Variants in MFSD11 observed in about 807,000 individuals in gnomAD.
The protein encoded by MFSD11 is UNC93-like protein MFSD11.
A neutral mutation model predicts 53.5 loss-of-function variants in MFSD11; 36 were observed. That is an observed-to-expected ratio of 0.67 (90% CI 0.52 to 0.89). The LOEUF is 0.89. Among genes scored for constraint, MFSD11 ranks in the 40% least tolerant of loss-of-function variants. The probability of loss-of-function intolerance (pLI) is 0.00; values close to 1 mark genes in which losing one functional copy is unlikely to be tolerated. For missense variants in MFSD11, 530 were observed against 543.9 expected (o/e 0.97, Z 0.25); for synonymous variants, 186 against 184.9 (o/e 1.01, Z -0.05).
At chr17:76,737,446 T>C (rs1003754996), upstream of MFSD11, 2 of 392,000 alleles carry the variant, frequency 5.1e-6, no homozygotes, top group South Asian at 5.6e-5. Context: ...GTAACGACCC[T>C]GCCGCGCGCC....
At chr17:76,751,020 C>A (rs924629927) in intron 7 of MFSD11, among the ~76,000 whole-genome samples, 2 of 151,672 alleles carry the variant, frequency 1.3e-5, no homozygotes, top group Non-Finnish European at 2.9e-5. Context: ...AGGCTGGTCT[C>A]AAACTCCTTA....
Position 76,767,076 on chromosome 17 carries a change from A to G in MFSD11, c.683-310A>G, listed in dbSNP as rs145549860. On this transcript the variant is annotated intron_variant, in intron 8 of 12. Transcript: ENST00000685175. Reference sequence around the variant, plus strand: ...TCTCTCAAGAGCCTAACGGTTAATCATGCCTTTTGAAGTACTTTGTTGTTT... The same window carrying G: ...TCTCTCAAGAGCCTAACGGTTAATCGTGCCTTTTGAAGTACTTTGTTGTTT... The G allele has an allele frequency of 1.2e-3, 309 of 256,646 alleles. 1 individual carries two copies. The highest frequency in any genetic ancestry group is 2.0e-3 in the Non-Finnish European group (270 of 135,110). The allele number at this position is 256,646 out of a possible 1,614,324, so 15.9% of individuals were successfully genotyped here.
At chr17:76,741,673 A>G (rs1045662363) in intron 3 of MFSD11, among the ~76,000 whole-genome samples, 20 of 152,200 alleles carry the variant, frequency 1.3e-4, no homozygotes, top group African/African-American at 4.8e-4. Flanking sequence ...CTGTAGTCCC[A>G]GCTACTTAGG....
intron 9 of MFSD11, among the ~76,000 whole-genome samples, chr17:76,768,177 G>T (rs1314665046): frequency 1.3e-5 from 2 of 151,914 alleles, no homozygotes; most frequent in African/African-American, 4.8e-5. Context: ...GGTGGTGCAT[G>T]CCTGTAGCCC....
intron 8 of MFSD11, among the ~76,000 whole-genome samples, chr17:76,756,275 A>G (rs2079621006): frequency 6.6e-6 from 1 of 151,168 alleles, no homozygotes; most frequent in Non-Finnish European, 1.5e-5. Context: ...GGCACGTGCC[A>G]CCACGCCCAG....
intron 6 of MFSD11, 96 bp downstream of exon 6, chr17:76,743,552 C>A: frequency 1.4e-6 from 1 of 717,092 alleles, no homozygotes; most frequent in Non-Finnish European, 2.2e-6. Flanking sequence ...GCATCGTTCT[C>A]ATGAACCCCG....
chr17:76,758,007 C>T (rs2079821342), intron 8 of MFSD11, among the ~76,000 whole-genome samples: 1 of 150,678 alleles, frequency 6.6e-6, no homozygotes, highest in Non-Finnish European at 1.5e-5. Flanking sequence ...GAGACTGTGT[C>T]TCAAAAAAAA....
chr17:76,739,539 G>GTA (rs1313654575), intron 2 of MFSD11, among the ~76,000 whole-genome samples: 3 of 152,112 alleles, frequency 2.0e-5, no homozygotes, highest in Non-Finnish European at 4.4e-5. Flanking sequence ...ATATGTACAG[G>GTA]TATATATACA....
At chr17:76,737,507 C>G (rs1174244938), upstream of MFSD11, 1 of 309,158 alleles carries the variant, frequency 3.2e-6, no homozygotes, top group African/African-American at 2.1e-5. Flanking sequence ...GGCCAAAAAG[C>G]GCGGAGTCAC....
chr17:76,744,331 G>A lies in MFSD11; in HGVS notation c.506G>A (p.Arg169Gln), dbSNP rs1258112273. The A allele has an allele frequency of 3.1e-6, 5 of 1,609,896 alleles. No individual in the cohort carries two copies. Among genetic ancestry groups the A allele is most frequent in the Admixed American group, 1.7e-5 (1 of 58,922 alleles). The change falls in exon 7 of 13, where the codon CGA (arginine) becomes CAA (glutamine). Residue 169 changes from arginine to glutamine, a missense_variant. By Grantham distance (43) the Arg-to-Gln change is conservative. Coordinates refer to ENST00000685175, the MANE Select transcript of MFSD11 (RefSeq NM_001242532.5). Reference sequence around the variant, plus strand: ...TCTTTTTTCTCCGTAGAGAGTGACCGAAGAACAGTGTTTATTGCCCTAACG... The same window carrying A: ...TCTTTTTTCTCCGTAGAGAGTGACCAAAGAACAGTGTTTATTGCCCTAACG... ...QGKTQISESD[R>Q]RTVFIALTVI...
At chr17:76,759,214 A>G (rs1227933320) in intron 8 of MFSD11, among the ~76,000 whole-genome samples, 2 of 152,114 alleles carry the variant, frequency 1.3e-5, no homozygotes, top group Non-Finnish European at 2.9e-5. Flanking sequence ...TGATCACACC[A>G]CTGCATTCCA....
the MFSD11 span, among the ~76,000 whole-genome samples, chr17:76,788,980 A>C: frequency 6.7e-6 from 1 of 149,314 alleles, no homozygotes; most frequent in South Asian, 2.2e-4. Flanking sequence ...CATCTCTACT[A>C]AAAATATAAA....
intron 5 of MFSD11, 110 bp from the exon 6 acceptor site, chr17:76,743,288 T>C (rs2078261179): frequency 2.9e-6 from 2 of 696,338 alleles, no homozygotes; most frequent in Non-Finnish European, 4.7e-6. Context: ...TTAAAAATGA[T>C]GTCCTTCTCT....
intron 8 of MFSD11, among the ~76,000 whole-genome samples, chr17:76,762,801 C>T (rs1195043229): frequency 7.9e-5 from 12 of 151,862 alleles, no homozygotes; most frequent in South Asian, 4.2e-4. Flanking sequence ...AATTAAGCAC[C>T]GGCGGGAAAT....
At chr17:76,739,727 C>G (rs1222715948) in intron 2 of MFSD11, among the ~76,000 whole-genome samples, 1 of 152,150 alleles carries the variant, frequency 6.6e-6, no homozygotes, top group African/African-American at 2.4e-5. Flanking sequence ...CCCCCGCCCC[C>G]CACAAACCCA....
intron 12 of MFSD11, among the ~76,000 whole-genome samples, chr17:76,777,516 TGAGCCACCGCCC>T (rs1330392325): frequency 2.0e-5 from 3 of 152,238 alleles, no homozygotes; most frequent in African/African-American, 7.2e-5. Context: ...ATTATAAACA[TGAGCCACCGCCC>T]CGGCTATATT....
At chr17:76,794,679 C>CT in the MFSD11 span, among the ~76,000 whole-genome samples, 259 of 40,440 alleles carry the variant, frequency 6.4e-3, 22 homozygotes, top group East Asian at 0.02. Context: ...AAGATGTACT[C>CT]TTTTTTTTTT....
intron 7 of MFSD11, chr17:76,752,839 A>G (rs1164915685): frequency 6.6e-6 from 1 of 152,184 alleles, no homozygotes; most frequent in Non-Finnish European, 1.5e-5. Flanking sequence ...CAGATTTTAA[A>G]ATAACCTTCC....
the MFSD11 span, among the ~76,000 whole-genome samples, chr17:76,796,001 T>C: frequency 6.6e-6 from 1 of 152,084 alleles, no homozygotes; most frequent in African/African-American, 2.4e-5. Flanking sequence ...CACTGAACAA[T>C]TCCTAAAACC....
Sources: allele counts gnomAD v4.1 joint callset (sites outside exome capture counted in the v4.1 genomes callset), GRCh38; gene constraint gnomAD v4.1.1; transcripts MANE v1.5; gene names NCBI Gene and HGNC (gene_info 2026-07-23, HGNC 2026-07-21).